The following SLC27A2 variants were observed in gnomAD, a reference collection of about 807,000 sequenced individuals.
SLC27A2 encodes solute carrier family 27 member 2.
SLC27A2 carries 54 observed loss-of-function variants against 60.0 expected under a neutral mutation model. That is an observed-to-expected ratio of 0.90 (90% CI 0.72 to 1.13). The LOEUF is 1.13. SLC27A2 is among the 50% of genes most tolerant of loss of function. The probability of loss-of-function intolerance (pLI) is 0.00; values close to 1 mark genes in which losing one functional copy is unlikely to be tolerated. For synonymous variants in SLC27A2, 297 were observed against 297.6 expected, an observed-to-expected ratio of 1.00 and a Z score of 0.02; for missense variants, 739 against 777.6, an observed-to-expected ratio of 0.95 and a Z score of 0.59.
intron 5 of SLC27A2, among the ~76,000 whole-genome samples, chr15:50,224,726 T>C (rs567404523): frequency 1.3e-5 from 2 of 152,260 alleles, no homozygotes; most frequent in East Asian, 3.9e-4. Flanking sequence ...TTAATAAAAG[T>C]TTAAATCCAG....
chr15:50,196,191 G>C (rs572303206), intron 1 of SLC27A2, among the ~76,000 whole-genome samples: 2 of 136,150 alleles, frequency 1.5e-5, no homozygotes, highest in Admixed American at 7.8e-5. Context: ...CTCACTTTAC[G>C]GCTTAAAGGC....
chr15:50,213,685 A>G (rs1315355723), intron 4 of SLC27A2, among the ~76,000 whole-genome samples: 1 of 152,198 alleles, frequency 6.6e-6, no homozygotes, highest in African/African-American at 2.4e-5. Flanking sequence ...ATACAGGGAA[A>G]TTAAATAACC....
Position 50,236,001 on chromosome 15 carries a change from G to T in SLC27A2, c.1768G>T (p.Asp590Tyr), listed in dbSNP as rs768814059. ...GGGCTTTAACCCTGCTGTCATCAAAGATGCCTTGTATTTCTTGGATGACAC... is the reference window on the plus strand; with the variant it reads ...GGGCTTTAACCCTGCTGTCATCAAATATGCCTTGTATTTCTTGGATGACAC... ...EEGFNPAVIK[D>Y]ALYFLDDTAK... Residue 590 changes from aspartate (D) to tyrosine (Y), a missense_variant, in exon 10 of 10, where the codon GAT (aspartate) becomes TAT (tyrosine). Transcript: ENST00000267842. 6.2e-7 allele frequency: 1 copy of T among 1,614,132 alleles called. No homozygotes were observed. The highest frequency in any genetic ancestry group is 8.5e-7 in the Non-Finnish European group (1 of 1,179,996).
intron 5 of SLC27A2, among the ~76,000 whole-genome samples, chr15:50,224,390 A>G (rs1382538799): frequency 6.6e-6 from 1 of 152,208 alleles, no homozygotes; most frequent in Non-Finnish European, 1.5e-5. Context: ...CAGTGAGTCG[A>G]GATCGCGCCA....
intron 3 of SLC27A2, 37 bp from the exon 4 acceptor site, chr15:50,205,202 C>A: frequency 6.4e-7 from 1 of 1,556,600 alleles, no homozygotes; most frequent in Admixed American, 1.8e-5. Flanking sequence ...TTTTTTCCAC[C>A]ATTTCTTTCT....
Position 50,226,006 on chromosome 15 carries a change from C to T in SLC27A2, c.1186C>T (p.Leu396=). The change falls in exon 6 of 10, where the codon CTG becomes TTG. Residue 396 remains leucine, a synonymous_variant. Coordinates refer to ENST00000267842, the MANE Select transcript of SLC27A2 (RefSeq NM_003645.4). ...YLQKKIITYD[L]IKYDVEKDEP... The stretch of plus-strand genomic sequence containing the variant: ...TTGCTAGAAAATCATAACTTATGAC[C>T]TGATTAAATATGATGTGGAGAAAGA... 1.3e-6 allele frequency: 2 copies of T among 1,597,102 alleles called. No homozygotes were observed.
intron 2 of SLC27A2, among the ~76,000 whole-genome samples, chr15:50,201,763 G>A (rs1367116491): frequency 6.6e-6 from 1 of 151,962 alleles, no homozygotes; most frequent in Non-Finnish European, 1.5e-5. Flanking sequence ...CACCATGTTA[G>A]CCAGGATGGT....
chr15:50,186,715 G>A (rs905305553), intron 1 of SLC27A2, among the ~76,000 whole-genome samples: 2 of 152,248 alleles, frequency 1.3e-5, no homozygotes, highest in African/African-American at 4.8e-5. Context: ...GGGATTAGAG[G>A]CGTGAGCCAC....
chr15:50,192,801 AG>A (rs376850566), intron 1 of SLC27A2, among the ~76,000 whole-genome samples: 19 of 149,250 alleles, frequency 1.3e-4, no homozygotes, highest in Non-Finnish European at 1.0e-4. Flanking sequence ...AAAAAAAAAA[AG>A]AAGAAGAAGT....
Position 50,182,210 on chromosome 15 carries a change from C to T in SLC27A2, c.-218C>T. On this transcript the variant is annotated 5_prime_UTR_variant, in exon 1 of 10. Transcript: ENST00000267842. The stretch of plus-strand genomic sequence containing the variant: ...CTCAGCCGGCCAGTCCTGCCCGGAA[C>T]CCCCGGCAACGCGCATACGACTACA... The T allele has an allele frequency of 3.2e-6, 2 of 634,834 alleles. No homozygotes were observed. Among genetic ancestry groups the T allele is most frequent in the African/African-American group, 3.8e-5 (2 of 52,166 alleles). The allele number at this position is 634,834 out of a possible 1,614,324, so 39.3% of individuals were successfully genotyped here. A position where few individuals can be genotyped will look rare whatever the true frequency, so the allele number is the denominator to read the frequency against.
chr15:50,231,513 A>T (rs56306192), intron 8 of SLC27A2, among the ~76,000 whole-genome samples: 19,350 of 151,610 alleles, frequency 0.13, 1,272 homozygotes, highest in Middle Eastern at 0.16. Context: ...ATCACAATTT[A>T]AAAAAAAACA....
In SLC27A2 at chr15:50,228,893, A is replaced by G. The variant is rs1010252108; in HGVS notation, c.1458-52A>G. The stretch of plus-strand genomic sequence containing the variant: ...GAAACACCAGCTCTCCGACATTGCA[A>G]CCTGGGCCAGAAACCACCAGTGACC... On this transcript the variant is annotated intron_variant, in intron 7 of 9. Coordinates refer to ENST00000267842, the MANE Select transcript of SLC27A2 (RefSeq NM_003645.4). The G allele has an allele frequency of 9.5e-6, 12 of 1,264,444 alleles. No individual in the cohort carries two copies. In the African/African-American group the frequency reaches 1.5e-4, roughly 16 times the overall value. 78.3% of individuals were successfully genotyped at this position (1,264,444 alleles called of 1,614,324 possible).
intron 4 of SLC27A2, among the ~76,000 whole-genome samples, chr15:50,207,484 A>AT (rs978376875): frequency 2.0e-5 from 3 of 152,130 alleles, no homozygotes; most frequent in South Asian, 2.1e-4. Context: ...TCAGTTAAAG[A>AT]TTTTTTTAAA....
intron 1 of SLC27A2, among the ~76,000 whole-genome samples, chr15:50,183,135 G>A (rs2044882603): frequency 6.6e-6 from 1 of 152,240 alleles, no homozygotes; most frequent in Admixed American, 6.5e-5. Flanking sequence ...AGGCAGTGTG[G>A]TTTTTAATCC....
chr15:50,182,862 C>G lies in SLC27A2; in HGVS notation c.435C>G (p.His145Gln). The G allele has an allele frequency of 1.9e-6, 3 of 1,612,866 alleles. No homozygotes were observed. The highest frequency in any genetic ancestry group is 2.5e-6 in the Non-Finnish European group (3 of 1,179,894). Reference protein sequence around the residue: ...NYNIRAKSLLHCFQCCGAKVL... With the variant: ...NYNIRAKSLLQCFQCCGAKVL... ...ACATCCGCGCGAAGTCCCTGCTGCA[C>G]TGCTTCCAGTGCTGCGGGGCGAAGG... is the stretch of plus-strand genomic sequence containing the variant. Residue 145 changes from histidine to glutamine, a missense_variant, in exon 1 of 10, where the codon CAC becomes CAG. Physicochemically the swap from His to Gln is conservative, Grantham distance 24. Transcript: ENST00000267842.
chr15:50,233,823 A>G, intron 8 of SLC27A2, 45 bp from the exon 9 acceptor site: 1 of 1,535,188 alleles, frequency 6.5e-7, no homozygotes, highest in Non-Finnish European at 8.8e-7. Context: ...ATAAAGCATC[A>G]TAAATAGCCT....
rs371151804 is a variant in SLC27A2 at position 50,206,499 on chromosome 15, GTC to G, written c.972+1143_972+1144del. Among the ~76,000 whole-genome samples the G allele has an allele frequency of 2.8e-4, 42 of 152,208 alleles. 1 individual carries two copies. In the East Asian group the frequency reaches 4.3e-3, roughly 15 times the overall value. ...GAAGTGTCAGATGCTCTTCCCCCAGGTCTCTCTCACCTCACTTTACTCAGTCT... is the reference window on the plus strand; with the variant it reads ...GAAGTGTCAGATGCTCTTCCCCCAGGTCTCTCACCTCACTTTACTCAGTCT... On this transcript the variant is annotated intron_variant, in intron 4 of 9. Transcript: ENST00000267842.
Position 50,197,617 on chromosome 15 carries a change from A to T in SLC27A2, c.596A>T (p.Asp199Val), listed in dbSNP as rs1350520269. 2.7e-5 allele frequency: 44 copies of T among 1,614,102 alleles called. No homozygotes were observed. The highest frequency in any genetic ancestry group is 3.6e-5 in the Non-Finnish European group (43 of 1,179,964). The change falls in exon 2 of 10, where the codon GAT (aspartate) becomes GTT (valine). Residue 199 changes from aspartate to valine, a missense_variant. Transcript: ENST00000267842. ...ATTGACTCTTTCCTGGACAAAGTGG[A>T]TGAAGTATCAACTGAACCTATCCCA... ...DGIDSFLDKV[D>V]EVSTEPIPES...
chr15:50,204,631 G>A (rs900318764), intron 3 of SLC27A2, among the ~76,000 whole-genome samples: 2 of 151,838 alleles, frequency 1.3e-5, no homozygotes, highest in Non-Finnish European at 2.9e-5. Flanking sequence ...TACTCAGGAG[G>A]CTGAGGCAGG....
Sources: allele counts gnomAD v4.1 joint callset (sites outside exome capture counted in the v4.1 genomes callset), GRCh38; gene constraint gnomAD v4.1.1; transcripts MANE v1.5; gene names NCBI Gene and HGNC (gene_info 2026-07-23, HGNC 2026-07-21).